The following ZDHHC14 variants were observed in gnomAD, a reference collection of about 807,000 sequenced individuals.
ZDHHC14 encodes palmitoyltransferase ZDHHC14.
ZDHHC14 carries 16 observed loss-of-function variants against 47.7 expected under a neutral mutation model. The observed-to-expected ratio is 0.34, with a 90% confidence interval of 0.23 to 0.51. The LOEUF (loss-of-function observed/expected upper bound fraction) is 0.51, where lower values mean the gene tolerates loss of function less well. Ranked by LOEUF, ZDHHC14 falls within the 20% of genes least tolerant of loss-of-function variation. ZDHHC14 has a pLI of 0.97. For missense variants in ZDHHC14, 515 were observed against 662.5 expected, an observed-to-expected ratio of 0.78 and a Z score of 2.44; for synonymous variants, 293 against 278.9, an observed-to-expected ratio of 1.05 and a Z score of -0.50.
intron 1 of ZDHHC14, among the ~76,000 whole-genome samples, chr6:157,466,448 A>T (rs1779218830): frequency 6.6e-6 from 1 of 152,202 alleles, no homozygotes; most frequent in Non-Finnish European, 1.5e-5. Flanking sequence ...ATATTTGTTG[A>T]CTCAGCAGTA....
At chr6:157,519,558 C>T (rs113650777) in intron 1 of ZDHHC14, among the ~76,000 whole-genome samples, 2,819 of 152,186 alleles carry the variant, frequency 0.019, 96 homozygotes, top group African/African-American at 0.065. Context: ...ACATTAATTG[C>T]CTTTCCATGG....
intron 1 of ZDHHC14, among the ~76,000 whole-genome samples, chr6:157,538,861 C>T (rs958139555): frequency 1.3e-5 from 2 of 152,082 alleles, no homozygotes; most frequent in Non-Finnish European, 2.9e-5. Context: ...GCAGCGCTGG[C>T]GGTGAGTGAA....
chr6:157,607,708 C>G lies in ZDHHC14; in HGVS notation c.565+14562C>G, dbSNP rs899691220. On this transcript the variant is annotated intron_variant, in intron 3 of 8. Coordinates refer to ENST00000359775, the MANE Select transcript of ZDHHC14 (RefSeq NM_024630.3). ...AAACGTTGGAGAGCCTTTGTTCCCT[C>G]TCGTTGTCCATACTTTCTTCAGTCC... 8.5e-5 allele frequency among the ~76,000 whole-genome samples: 13 copies of G among 152,304 alleles called. 1 individual carries two copies. The highest frequency in any genetic ancestry group is 7.7e-4 in the East Asian group (4 of 5,186).
At chr6:157,403,320 T>C (rs1777681911) in intron 1 of ZDHHC14, among the ~76,000 whole-genome samples, 1 of 152,262 alleles carries the variant, frequency 6.6e-6, no homozygotes, top group Non-Finnish European at 1.5e-5. Flanking sequence ...TGCTAGGTTA[T>C]GAATGAAAGC....
At chr6:157,530,723 A>G (rs1181734856) in intron 1 of ZDHHC14, among the ~76,000 whole-genome samples, 1 of 151,822 alleles carries the variant, frequency 6.6e-6, no homozygotes, top group Non-Finnish European at 1.5e-5. Context: ...ATTATGTACT[A>G]TTTTTCAAAT....
At chr6:157,633,170 G>A (rs575607097) in intron 5 of ZDHHC14, among the ~76,000 whole-genome samples, 7 of 152,284 alleles carry the variant, frequency 4.6e-5, no homozygotes, top group East Asian at 3.9e-4. Context: ...GAGAAGTAGG[G>A]CTGTGAGCTG....
chr6:157,607,385 C>CT (rs1030273645), intron 3 of ZDHHC14, among the ~76,000 whole-genome samples: 1 of 152,082 alleles, frequency 6.6e-6, no homozygotes, highest in Non-Finnish European at 1.5e-5. Flanking sequence ...TTTAAAGGCT[C>CT]TTTTTTTAAA....
At chr6:157,392,948 C>T (rs1777448975) in intron 1 of ZDHHC14, among the ~76,000 whole-genome samples, 1 of 152,058 alleles carries the variant, frequency 6.6e-6, no homozygotes, top group African/African-American at 2.4e-5. Flanking sequence ...GGCGCCATCT[C>T]GGCTCACCAC....
intron 1 of ZDHHC14, among the ~76,000 whole-genome samples, chr6:157,490,043 T>A (rs532864501): frequency 1.3e-5 from 2 of 151,926 alleles, no homozygotes; most frequent in South Asian, 2.1e-4. Flanking sequence ...GTTGGTGGGA[T>A]GGGATGGTGG....
chr6:157,479,664 A>G (rs1249569758), intron 1 of ZDHHC14, among the ~76,000 whole-genome samples: 1 of 152,238 alleles, frequency 6.6e-6, no homozygotes, highest in East Asian at 1.9e-4. Context: ...AGTGGCATGG[A>G]GGTGTTTACC....
intron 1 of ZDHHC14, among the ~76,000 whole-genome samples, chr6:157,491,598 G>A (rs956196514): frequency 5.3e-5 from 8 of 152,228 alleles, no homozygotes; most frequent in African/African-American, 1.7e-4. Flanking sequence ...CTGTGAATGA[G>A]CTGAATGTGA....
At chr6:157,653,415 G>T (rs1335125878) in intron 7 of ZDHHC14, 110 bp from the exon 8 acceptor site, 6 of 1,073,616 alleles carry the variant, frequency 5.6e-6, no homozygotes, top group Non-Finnish European at 4.1e-6. Flanking sequence ...GTTGCCTGAG[G>T]TGGGCCTGTC....
intron 3 of ZDHHC14, among the ~76,000 whole-genome samples, chr6:157,615,343 T>G (rs760767850): frequency 2.6e-5 from 4 of 152,216 alleles, no homozygotes; most frequent in Non-Finnish European, 2.9e-5. Context: ...GATGTCGTAC[T>G]TCGTCATTTC....
chr6:157,604,244 G>A (rs542575313), intron 3 of ZDHHC14, among the ~76,000 whole-genome samples: 89 of 149,802 alleles, frequency 5.9e-4, no homozygotes, highest in Admixed American at 1.3e-3. Context: ...CCTTGATCAC[G>A]CCTCTGCGCT....
intron 2 of ZDHHC14, among the ~76,000 whole-genome samples, chr6:157,587,586 C>A (rs1323000119): frequency 1.3e-5 from 2 of 152,200 alleles, no homozygotes; most frequent in East Asian, 3.8e-4. Context: ...TTATTCTAAG[C>A]AGAAGGTTTG....
rs1778242568 is a variant in ZDHHC14, at chr6:157,427,328, T to C, written c.245+45062T>C. On this transcript the variant is annotated intron_variant, in intron 1 of 8. Transcript: ENST00000359775. This position sits in a 1 kb window ranked among gnomAD's most constrained non-coding sequence, Gnocchi z 4.4. ...GATGTGAGGGTTGGGGTCTCAGCGT[T>C]TGGAAATGTCACTCAGTGAAATAGG... Among the ~76,000 whole-genome samples, 1 of 152,044 alleles carries C rather than the reference T, an allele frequency of 6.6e-6. No homozygotes were observed. The highest frequency in any genetic ancestry group is 2.1e-4 in the South Asian group (1 of 4,818).
intron 2 of ZDHHC14, among the ~76,000 whole-genome samples, chr6:157,547,495 C>T (rs1782022239): frequency 6.6e-6 from 1 of 151,516 alleles, no homozygotes; most frequent in Non-Finnish European, 1.5e-5. Flanking sequence ...AGTTTTGACC[C>T]ACTGATTTGA....
At chr6:157,607,984 G>T (rs1007006366) in intron 3 of ZDHHC14, among the ~76,000 whole-genome samples, 1 of 152,240 alleles carries the variant, frequency 6.6e-6, no homozygotes, top group African/African-American at 2.4e-5. Context: ...ACAATGCGAT[G>T]TGCCATTATA....
At chr6:157,477,572 G>T (rs1329884413) in intron 1 of ZDHHC14, among the ~76,000 whole-genome samples, 1 of 151,920 alleles carries the variant, frequency 6.6e-6, no homozygotes, top group Non-Finnish European at 1.5e-5. Flanking sequence ...GGCCTATATT[G>T]GCAAAATTTA....
Sources: allele counts gnomAD v4.1 joint callset (sites outside exome capture counted in the v4.1 genomes callset), GRCh38; gene constraint gnomAD v4.1.1; non-coding constraint Gnocchi (gnomAD v3.1); transcripts MANE v1.5; gene names NCBI Gene and HGNC (gene_info 2026-07-23, HGNC 2026-07-21).